Variants in GOLGA8H observed in about 807,000 individuals in gnomAD.
GOLGA8H encodes golgin subfamily A member 8H.
GOLGA8H carries 47 observed loss-of-function variants against 82.7 expected under a neutral mutation model. The observed-to-expected ratio is 0.57, with a 90% CI of 0.45 to 0.73. The LOEUF is 0.73. Among genes scored for constraint, GOLGA8H ranks in the 30% least tolerant of loss-of-function variants. The pLI is 0.00. For missense variants in GOLGA8H, 372 were observed against 661.0 expected, an observed-to-expected ratio of 0.56 and a Z score of 4.79; for synonymous variants, 108 against 241.6, an observed-to-expected ratio of 0.45 and a Z score of 5.13.
intron 7 of GOLGA8H, 28 bp from the exon 8 acceptor site, chr15:30,608,619 G>T: frequency 6.2e-7 from 1 of 1,602,212 alleles, no homozygotes; most frequent in South Asian, 1.1e-5. Context: ...GGAGTCCTTT[G>T]GGCCCCATCT....
chr15:30,608,471 A>C lies in GOLGA8H; in HGVS notation c.401A>C (p.Gln134Pro). ...KQKAKRVLEVQIQTLNIQKGK... is the reference protein window; with the variant it reads ...KQKAKRVLEVPIQTLNIQKGK... ...TGCTTGGCTTTTCTCCCAAAGGTTC[A>C]AATCCAGACATTGAACATACAGAAA... Residue 134 changes from glutamine (Q) to proline (P), a missense_variant, in exon 7 of 19, where the codon CAA (glutamine) becomes CCA (proline). Physicochemically the swap from Gln to Pro is moderately conservative, Grantham distance 76 (BLOSUM62 -1). Coordinates refer to ENST00000566740, the MANE Select transcript of GOLGA8H (RefSeq NM_001282490.2). The C allele has an allele frequency of 6.2e-7, 1 of 1,610,378 alleles. No homozygotes were observed. Among genetic ancestry groups the C allele is most frequent in the Non-Finnish European group, 8.5e-7 (1 of 1,179,544 alleles).
rs1300942517 is a variant in GOLGA8H, at chr15:30,616,027, C to G, written c.*1466C>G. Among the ~76,000 whole-genome samples the G allele has an allele frequency of 6.6e-6, 1 of 151,828 alleles. No homozygotes were observed. The highest frequency in any genetic ancestry group is 2.4e-5 in the African/African-American group (1 of 41,330). On this transcript the variant is annotated 3_prime_UTR_variant, in exon 19 of 19. Transcript: ENST00000566740. ...ATACAATCACAGAGCTATATTTTCT[C>G]ACAGACTTCTTTACAAAGTGAAATA...
chr15:30,609,646 A>G (rs529131993), intron 8 of GOLGA8H, among the ~76,000 whole-genome samples, 160 bp from the exon 9 acceptor site: 1 of 151,824 alleles, frequency 6.6e-6, no homozygotes, highest in East Asian at 1.9e-4. Context: ...GTCCGTTCCA[A>G]CTTTACTGTG....
Position 30,611,334 on chromosome 15 carries a change from G to A in GOLGA8H, c.1188G>A (p.Glu396=). 1 of 983,856 alleles carries A rather than the reference G, an allele frequency of 1.0e-6. No individual in the cohort carries two copies. The highest frequency in any genetic ancestry group is 1.4e-5 in the South Asian group (1 of 72,914). The allele number at this position is 983,856 out of a possible 1,614,324, so 60.9% of individuals were successfully genotyped here. ...AGCAGCAAGTAAAGGAGCTACAGGA[G>A]AAGCTTGGCGAGGTGAAGGAGACGG... ...QLEQQVKELQ[E]KLGEEHLEAA... The change falls in exon 13 of 19, where the codon GAG becomes GAA. Residue 396 remains glutamate (E), a synonymous_variant. Coordinates refer to ENST00000566740, the MANE Select transcript of GOLGA8H (RefSeq NM_001282490.2).
chr15:30,617,450 AATAAT>A lies in GOLGA8H; in HGVS notation c.*2894_*2898del, dbSNP rs1453115640. The stretch of plus-strand genomic sequence containing the variant: ...ACTTTATTTTAAAGAGTCATTTTAA[AATAAT>A]ATAACTATTAAAAAATGTAACTGCT... On this transcript the variant is annotated 3_prime_UTR_variant, in exon 19 of 19. Transcript: ENST00000566740. 175 of 150,702 alleles carry A rather than the reference AATAAT, an allele frequency of 1.2e-3. No homozygotes were observed. The highest frequency in any genetic ancestry group is 4.1e-3 in the African/African-American group (167 of 40,818). 9.3% of individuals were successfully genotyped at this position (150,702 alleles called of 1,614,324 possible).
intron 8 of GOLGA8H, 90 bp downstream of exon 8, chr15:30,608,846 C>G: frequency 2.5e-6 from 3 of 1,224,096 alleles, no homozygotes; most frequent in South Asian, 1.3e-5. Flanking sequence ...GATGGCGTGT[C>G]CTGCCCAGAA....
intron 2 of GOLGA8H, among the ~76,000 whole-genome samples, chr15:30,606,510 C>T (rs983994974): frequency 2.7e-5 from 4 of 148,018 alleles, no homozygotes; most frequent in African/African-American, 7.6e-5. Context: ...GTGAAATTTT[C>T]ATGAGATTTG....
chr15:30,608,619 G>C, intron 7 of GOLGA8H, 28 bp from the exon 8 acceptor site: 1 of 1,602,212 alleles, frequency 6.2e-7, no homozygotes, highest in Non-Finnish European at 8.5e-7. Context: ...GGAGTCCTTT[G>C]GGCCCCATCT....
chr15:30,611,461 A>G (rs1298725171), intron 13 of GOLGA8H, 115 bp downstream of exon 13: 32 of 1,536,218 alleles, frequency 2.1e-5, no homozygotes, highest in Non-Finnish European at 2.8e-5. Context: ...GCTGGTGACC[A>G]CAGCACCCCG....
At chr15:30,607,969 T>A in intron 4 of GOLGA8H, 61 bp from the exon 5 acceptor site, 8 of 1,596,050 alleles carry the variant, frequency 5.0e-6, no homozygotes, top group Non-Finnish European at 5.9e-6. Context: ...TACCACTTCC[T>A]GGTCTGGGGA....
At position 30,605,933 on chromosome 15, in the gene GOLGA8H, A is replaced by T. The variant is rs985411747; in HGVS notation, c.139A>T (p.Thr47Ser). ...AAATGGCAGTGTCCCTGAGAAAGCC[A>T]CTTCTGGTGGTTGCCAGCCACCTGG... is the stretch of plus-strand genomic sequence containing the variant. Reference protein sequence around the residue: ...KTNGSVPEKATSGGCQPPGDS... With the variant: ...KTNGSVPEKASSGGCQPPGDS... The change falls in exon 2 of 19, where the codon ACT becomes TCT. Residue 47 changes from threonine to serine, a missense_variant. Coordinates refer to ENST00000566740, the MANE Select transcript of GOLGA8H (RefSeq NM_001282490.2). The T allele has an allele frequency of 1.9e-6, 3 of 1,596,996 alleles. No individual in the cohort carries two copies. Among genetic ancestry groups the T allele is most frequent in the Non-Finnish European group, 2.5e-6 (3 of 1,177,504 alleles).
At position 30,608,388 on chromosome 15, in the gene GOLGA8H, G is replaced by A. The variant is rs1474353567; in HGVS notation, c.396+10G>A. 4.5e-6 allele frequency: 7 copies of A among 1,569,148 alleles called. No homozygotes were observed. Among genetic ancestry groups the A allele is most frequent in the African/African-American group, 1.4e-5 (1 of 73,396 alleles). ...CAAAAGGGTGCTAGAGGTGAGTGGA[G>A]GGTGTGCAGTTTCCTCCTGTCCTCC... On this transcript the variant is annotated intron_variant, in intron 6 of 18. Transcript: ENST00000566740.
chr15:30,607,735 C>A, intron 4 of GOLGA8H: 1 of 604,898 alleles, frequency 1.7e-6, no homozygotes, highest in Non-Finnish European at 2.9e-6. Flanking sequence ...TTCTCTAAAT[C>A]ACAAGTTGCC....
intron 2 of GOLGA8H, among the ~76,000 whole-genome samples, chr15:30,606,204 C>T (rs1173835244): frequency 6.6e-6 from 1 of 151,330 alleles, no homozygotes; most frequent in African/African-American, 2.4e-5. Context: ...AATACAAAAA[C>T]ATTAGCCAAG....
Position 30,604,098 on chromosome 15 carries a change from C to G in GOLGA8H, c.-28C>G, listed in dbSNP as rs553990064. 3.9e-6 allele frequency: 6 copies of G among 1,538,488 alleles called. No homozygotes were observed. In the African/African-American group the frequency reaches 6.0e-5, roughly 15 times the overall value. ...TCATTGAGATTTTGCTGCTGTGACC[C>G]CAACCCTGCCTCCCTCCCCACCCTG... On this transcript the variant is annotated 5_prime_UTR_variant, in exon 1 of 19. Coordinates refer to ENST00000566740, the MANE Select transcript of GOLGA8H (RefSeq NM_001282490.2).
intron 8 of GOLGA8H, 59 bp from the exon 9 acceptor site, chr15:30,609,747 G>C: frequency 5.1e-6 from 8 of 1,574,314 alleles, no homozygotes; most frequent in Non-Finnish European, 5.2e-6. Context: ...CTTTTAAGGG[G>C]CACTGTGTGG....
Position 30,615,388 on chromosome 15 carries a change from C to G in GOLGA8H, c.*827C>G, listed in dbSNP as rs575911473. 2.0e-5 allele frequency among the ~76,000 whole-genome samples: 3 copies of G among 151,948 alleles called. No homozygotes were observed. The highest frequency in any genetic ancestry group is 4.4e-5 in the Non-Finnish European group (3 of 67,962). On this transcript the variant is annotated 3_prime_UTR_variant, in exon 19 of 19. Coordinates refer to ENST00000566740, the MANE Select transcript of GOLGA8H (RefSeq NM_001282490.2). ...TCGATGACCTAAAAAGGGCTTATTT[C>G]TGAGGAATGAAAGGTTCCCATCATT...
At position 30,615,437 on chromosome 15, in the gene GOLGA8H, C is replaced by T. The variant is rs2060093608; in HGVS notation, c.*876C>T. Among the ~76,000 whole-genome samples, 1 of 151,858 alleles carries T rather than the reference C, an allele frequency of 6.6e-6. No homozygotes were observed. The highest frequency in any genetic ancestry group is 2.4e-5 in the African/African-American group (1 of 41,326). On this transcript the variant is annotated 3_prime_UTR_variant, in exon 19 of 19. Transcript: ENST00000566740. ...TTGACTGTGGATGTGGAAATCCTTTCCTAGCTTAGAGCATTTGTATCTACA... is the reference window on the plus strand; with the variant it reads ...TTGACTGTGGATGTGGAAATCCTTTTCTAGCTTAGAGCATTTGTATCTACA...
chr15:30,608,499 G>A lies in GOLGA8H; in HGVS notation c.429G>A (p.Gly143=), dbSNP rs1173737635. Residue 143 remains glycine, a synonymous_variant, in exon 7 of 19, where the codon GGG becomes GGA. Transcript: ENST00000566740. The part of the protein sequence containing the change: ...VQIQTLNIQK[G]KLNTDLYHMK... ...TCCAGACATTGAACATACAGAAAGG[G>A]AAACTAAATACGGACCTGTACCACA... 5 of 1,611,154 alleles carry A rather than the reference G, an allele frequency of 3.1e-6. No homozygotes were observed. Among genetic ancestry groups the A allele is most frequent in the Non-Finnish European group, 4.2e-6 (5 of 1,179,614 alleles).
Sources: gnomAD v4.1 joint callset for allele counts (sites outside exome capture counted in the v4.1 genomes callset) on GRCh38, gnomAD v4.1.1 for gene constraint, MANE v1.5 for transcripts, NCBI Gene and HGNC (gene_info 2026-07-23, HGNC 2026-07-21) for gene names.